Variants in HECW1 observed in about 807,000 individuals in gnomAD.
HECW1 encodes the protein E3 ubiquitin-protein ligase HECW1.
HECW1 carries 61 observed loss-of-function variants against 182.3 expected under a neutral mutation model. That is an observed-to-expected ratio of 0.33 (90% CI 0.27 to 0.41). The LOEUF is 0.41. Among genes scored for constraint, HECW1 ranks in the 10% least tolerant of loss-of-function variants. HECW1 has a pLI of 1.00. For missense variants in HECW1, 1,739 were observed against 2,108.9 expected, an observed-to-expected ratio of 0.82 and a Z score of 3.44; for synonymous variants, 859 against 832.6, an observed-to-expected ratio of 1.03 and a Z score of -0.55.
chr7:43,449,906 C>T (rs2077177557), intron 11 of HECW1, among the ~76,000 whole-genome samples: 1 of 152,222 alleles, frequency 6.6e-6, no homozygotes, highest in South Asian at 2.1e-4. Flanking sequence ...TGCATGGCTG[C>T]TCTACATGCC....
chr7:43,360,842 G>A (rs1815785175), intron 5 of HECW1, 44 bp from the exon 6 acceptor site: 1 of 1,430,006 alleles, frequency 7.0e-7, no homozygotes. Flanking sequence ...TCTCTCCCTG[G>A]GTTACACCCT....
intron 2 of HECW1, among the ~76,000 whole-genome samples, chr7:43,189,036 T>TA (rs1793658597): frequency 1.3e-5 from 2 of 152,184 alleles, no homozygotes; most frequent in Non-Finnish European, 2.9e-5. Context: ...CGGCTAATCT[T>TA]ACACTCGTTC....
In HECW1 at chr7:43,432,570, G is replaced by A. The variant is rs2076588964; in HGVS notation, c.802-5433G>A. ...TGCTTTGTCATTTTCTGCCTGCAGTGTAAGACTCTGAGGTCTAAAGTTGGA... is the reference window on the plus strand; with the variant it reads ...TGCTTTGTCATTTTCTGCCTGCAGTATAAGACTCTGAGGTCTAAAGTTGGA... On this transcript the variant is annotated intron_variant, in intron 8 of 29. Coordinates refer to ENST00000395891, the MANE Select transcript of HECW1 (RefSeq NM_015052.5). This position sits in a 1 kb window ranked among gnomAD's most constrained non-coding sequence, Gnocchi z 4.1. 6.6e-6 allele frequency among the ~76,000 whole-genome samples: 1 copy of A among 152,208 alleles called. No individual in the cohort carries two copies. Among genetic ancestry groups the A allele is most frequent in the Admixed American group, 6.5e-5 (1 of 15,290 alleles).
chr7:43,554,521 C>A, intron 28 of HECW1, 71 bp from the exon 29 acceptor site: 4 of 1,323,820 alleles, frequency 3.0e-6, no homozygotes, highest in Non-Finnish European at 4.3e-6. Flanking sequence ...TGTGTTTGAT[C>A]TCTCTCTCCC....
At chr7:43,356,692 T>A (rs1229645617) in intron 5 of HECW1, among the ~76,000 whole-genome samples, 1 of 152,202 alleles carries the variant, frequency 6.6e-6, no homozygotes, top group East Asian at 1.9e-4. Context: ...TTATCAAGTA[T>A]CTTCTCTGAC....
chr7:43,274,676 C>T (rs772650523), intron 3 of HECW1: 2 of 281,086 alleles, frequency 7.1e-6, no homozygotes, highest in Non-Finnish European at 1.4e-5. Context: ...AGAGAGAGCG[C>T]GCAGTAAAAT....
intron 16 of HECW1, among the ~76,000 whole-genome samples, chr7:43,469,849 CCTGCAGTCATGT>C (rs2077944897): frequency 1.3e-5 from 2 of 152,216 alleles, no homozygotes. Flanking sequence ...AGAAGCTTTG[CCTGCAGTCATGT>C]CTGTGACGTG....
At chr7:43,312,149 A>G in intron 4 of HECW1, 62 bp downstream of exon 4, 1 of 1,370,932 alleles carries the variant, frequency 7.3e-7, no homozygotes, top group Non-Finnish European at 1.0e-6. Context: ...GTCACATTTT[A>G]ATAAACTCTA....
At chr7:43,208,788 C>T (rs1192258647) in intron 2 of HECW1, among the ~76,000 whole-genome samples, 2 of 152,174 alleles carry the variant, frequency 1.3e-5, no homozygotes, top group Non-Finnish European at 2.9e-5. Context: ...TTCTTTCCAC[C>T]GAAGCAACAA....
At chr7:43,194,756 C>G (rs1479714433) in intron 2 of HECW1, among the ~76,000 whole-genome samples, 1 of 151,464 alleles carries the variant, frequency 6.6e-6, no homozygotes, top group Admixed American at 6.6e-5. Flanking sequence ...TGCAATGGCA[C>G]GATCTCGGCT....
intron 2 of HECW1, among the ~76,000 whole-genome samples, chr7:43,235,069 C>G (rs1356792304): frequency 6.6e-6 from 1 of 152,246 alleles, no homozygotes; most frequent in Non-Finnish European, 1.5e-5. Context: ...CTTGATGGCA[C>G]TAGTCCCTTG....
chr7:43,513,401 A>G (rs2152931783), intron 24 of HECW1, among the ~76,000 whole-genome samples: 1 of 152,314 alleles, frequency 6.6e-6, no homozygotes, highest in African/African-American at 2.4e-5. Flanking sequence ...GCACTGCCCA[A>G]AGACATCAAT....
At chr7:43,395,490 T>C (rs1486530308) in intron 6 of HECW1, among the ~76,000 whole-genome samples, 2 of 152,208 alleles carry the variant, frequency 1.3e-5, no homozygotes, top group Non-Finnish European at 2.9e-5. Flanking sequence ...TCACCAATCC[T>C]GGCCATGTTT....
chr7:43,384,279 T>C (rs1301670410), intron 6 of HECW1, among the ~76,000 whole-genome samples: 1 of 152,128 alleles, frequency 6.6e-6, no homozygotes, highest in African/African-American at 2.4e-5. Flanking sequence ...AGAAGGTAGG[T>C]GTGAAGTTCT....
In HECW1 at chr7:43,320,621, C is replaced by T. The variant is rs757177719; in HGVS notation, c.353-14C>T. On this transcript the variant is annotated splice_polypyrimidine_tract_variant and intron_variant, in intron 4 of 29. Coordinates refer to ENST00000395891, the MANE Select transcript of HECW1 (RefSeq NM_015052.5). ...TATGTTTCTCTGCTCTGCTTTCTTCCTCTGGGAATATAGATGAGGTCTTGT... is the reference window on the plus strand; with the variant it reads ...TATGTTTCTCTGCTCTGCTTTCTTCTTCTGGGAATATAGATGAGGTCTTGT... The T allele has an allele frequency of 3.8e-6, 6 of 1,570,442 alleles. No homozygotes were observed. In the Admixed American group the frequency reaches 8.3e-5, roughly 22 times the overall value.
chr7:43,505,520 G>A (rs888993048), intron 21 of HECW1, among the ~76,000 whole-genome samples: 1 of 152,182 alleles, frequency 6.6e-6, no homozygotes, highest in African/African-American at 2.4e-5. Context: ...GCTTAACAAT[G>A]TACCTTGTCC....
chr7:43,113,247 C>T (rs925056997), intron 1 of HECW1, among the ~76,000 whole-genome samples: 1 of 152,210 alleles, frequency 6.6e-6, no homozygotes. Flanking sequence ...CTCCCCCGCC[C>T]CTCAGCGCCC....
chr7:43,412,193 C>A (rs181542623), intron 8 of HECW1, among the ~76,000 whole-genome samples: 1 of 152,092 alleles, frequency 6.6e-6, no homozygotes, highest in Admixed American at 6.5e-5. Flanking sequence ...AATTTTGTAC[C>A]ACTTTACATA....
Position 43,243,648 on chromosome 7 carries a change from A to G in HECW1, c.-31-227A>G, listed in dbSNP as rs573779195. Among the ~76,000 whole-genome samples, 1 of 152,322 alleles carries G rather than the reference A, an allele frequency of 6.6e-6. No homozygotes were observed. The highest frequency in any genetic ancestry group is 2.4e-5 in the African/African-American group (1 of 41,572). ...AGTCTCATTCCTTAAATTAAAATTTAAAATCAAATCAAATTACTTATGGCA... is the reference window on the plus strand; with the variant it reads ...AGTCTCATTCCTTAAATTAAAATTTGAAATCAAATCAAATTACTTATGGCA... On this transcript the variant is annotated intron_variant, in intron 2 of 29. Transcript: ENST00000395891. This position sits in a 1 kb window ranked among gnomAD's most constrained non-coding sequence, Gnocchi z 4.0.
Sources: gnomAD v4.1 joint callset for allele counts (sites outside exome capture counted in the v4.1 genomes callset) on GRCh38, gnomAD v4.1.1 for gene constraint, Gnocchi (gnomAD v3.1) non-coding constraint, MANE v1.5 for transcripts, NCBI Gene and HGNC (gene_info 2026-07-23, HGNC 2026-07-21) for gene names.